Variants in CLVS2 observed in about 807,000 individuals in gnomAD.
CLVS2 encodes the protein clavesin-2.
In CLVS2, 19 loss-of-function variants were observed where a neutral mutation model predicts 29.0. The observed-to-expected ratio is 0.66, with a 90% CI of 0.46 to 0.96. The LOEUF (loss-of-function observed/expected upper bound fraction) is 0.96. CLVS2 is among the 40% of genes least tolerant of loss of function. The probability of loss-of-function intolerance (pLI) is 0.00; values close to 1 mark genes in which losing one functional copy is unlikely to be tolerated. For missense variants in CLVS2, 294 were observed against 404.1 expected, an observed-to-expected ratio of 0.73 and a Z score of 2.34; for synonymous variants, 161 against 151.3, an observed-to-expected ratio of 1.06 and a Z score of -0.47.
In CLVS2 at chr6:122,998,183, A is replaced by G; in HGVS notation, c.389+17A>G. On this transcript the variant is annotated intron_variant, in intron 2 of 5. Transcript: ENST00000275162. The stretch of plus-strand genomic sequence containing the variant: ...TCAGAGCAGGTAAATCCTAAATCCA[A>G]ACTTGTATTCTCCTTTTACTCTCCC... 1 of 1,602,128 alleles carries G rather than the reference A, an allele frequency of 6.2e-7. No homozygotes were observed. Among genetic ancestry groups the G allele is most frequent in the Non-Finnish European group, 8.5e-7 (1 of 1,177,544 alleles).
At chr6:123,008,154 A>G (rs911927095) in intron 2 of CLVS2, among the ~76,000 whole-genome samples, 3 of 152,130 alleles carry the variant, frequency 2.0e-5, no homozygotes, top group Admixed American at 2.0e-4. Flanking sequence ...TGACCTGCCC[A>G]TTGAATGGAG....
rs924200442 is a variant in CLVS2, at chr6:123,064,589, T to G, written c.*828T>G. 5.3e-5 allele frequency: 8 copies of G among 151,958 alleles called. No homozygotes were observed. The highest frequency in any genetic ancestry group is 1.9e-4 in the African/African-American group (8 of 41,430). The allele number at this position is 151,958 out of a possible 1,614,324, so 9.4% of individuals were successfully genotyped here. A position where few individuals can be genotyped will look rare whatever the true frequency, so the allele number is the denominator to read the frequency against. On this transcript the variant is annotated 3_prime_UTR_variant, in exon 6 of 6. Coordinates refer to ENST00000275162, the MANE Select transcript of CLVS2 (RefSeq NM_001010852.4). ...AGAATGAGAACTCATGTGAACAGTG[T>G]TCTGACAGCTAATTTTGAACATAAA... is the stretch of plus-strand genomic sequence containing the variant.
In CLVS2 at chr6:123,069,745, G is replaced by A. The variant is rs986214902; in HGVS notation, c.*5984G>A. The A allele has an allele frequency of 6.6e-5, 10 of 151,766 alleles. No individual in the cohort carries two copies. The highest frequency in any genetic ancestry group is 2.4e-4 in the African/African-American group (10 of 41,360). The allele number at this position is 151,766 out of a possible 1,614,324, so 9.4% of individuals were successfully genotyped here. A position where few individuals can be genotyped will look rare whatever the true frequency, so the allele number is the denominator to read the frequency against. ...GTTCCTTCTTCAGGAGGATCGAGTA[G>A]AAAATATTTTCTACTCGAAGAGGCC... On this transcript the variant is annotated 3_prime_UTR_variant, in exon 6 of 6. Transcript: ENST00000275162.
intron 3 of CLVS2, among the ~76,000 whole-genome samples, chr6:123,047,163 T>G (rs1379634792): frequency 6.6e-6 from 1 of 152,068 alleles, no homozygotes; most frequent in African/African-American, 2.4e-5. Context: ...ATGACTCCCA[T>G]ATCCAGGTGA....
At chr6:123,032,088 C>T (rs1227434401) in intron 3 of CLVS2, among the ~76,000 whole-genome samples, 9 of 151,932 alleles carry the variant, frequency 5.9e-5, no homozygotes, top group Non-Finnish European at 7.4e-5. Context: ...CTTGTTGCAG[C>T]GCTAATATCC....
At chr6:123,019,320 C>T (rs1774889261) in intron 3 of CLVS2, among the ~76,000 whole-genome samples, 1 of 152,000 alleles carries the variant, frequency 6.6e-6, no homozygotes, top group Non-Finnish European at 1.5e-5. Context: ...TCAGTTGGCA[C>T]TGTAAGGGGT....
intron 3 of CLVS2, among the ~76,000 whole-genome samples, chr6:123,033,252 A>G (rs1478705362): frequency 6.6e-6 from 1 of 152,114 alleles, no homozygotes; most frequent in Non-Finnish European, 1.5e-5. Context: ...TTATATTTGA[A>G]AGATATTTTT....
chr6:123,049,357 T>C (rs979593748), intron 4 of CLVS2, among the ~76,000 whole-genome samples: 2 of 152,146 alleles, frequency 1.3e-5, no homozygotes, highest in Non-Finnish European at 2.9e-5. Flanking sequence ...TTTGATACAG[T>C]GTAGGGCACA....
intron 2 of CLVS2, among the ~76,000 whole-genome samples, chr6:123,000,015 A>G (rs1774569074): frequency 6.6e-6 from 1 of 152,148 alleles, no homozygotes; most frequent in African/African-American, 2.4e-5. Context: ...GACAACTAGT[A>G]ATCAAATTCT....
chr6:122,997,950 T>G lies in CLVS2; in HGVS notation c.173T>G (p.Leu58Trp). 6.2e-7 allele frequency: 1 copy of G among 1,614,130 alleles called. No homozygotes were observed. The highest frequency in any genetic ancestry group is 8.5e-7 in the Non-Finnish European group (1 of 1,179,980). ...RTDDAFILRF[L>W]RARKFHHFEA... ...GATGATGCCTTCATCTTACGCTTCT[T>G]GCGGGCTAGGAAGTTTCATCACTTT... Residue 58 changes from leucine (L) to tryptophan (W), a missense_variant, in exon 2 of 6, where the codon TTG (leucine) becomes TGG (tryptophan). By Grantham distance (61) the Leu-to-Trp change is moderately conservative (BLOSUM62 -2). Around this residue, in one of 2 missense-constraint regions of CLVS2, gnomAD observed 212 missense variants for 336.4 expected, o/e 0.63. Coordinates refer to ENST00000275162, the MANE Select transcript of CLVS2 (RefSeq NM_001010852.4).
chr6:123,039,122 C>T (rs1775194983), intron 3 of CLVS2, among the ~76,000 whole-genome samples: 1 of 152,142 alleles, frequency 6.6e-6, no homozygotes, highest in South Asian at 2.1e-4. Flanking sequence ...AGACTTTAGC[C>T]TGATTCTTAC....
At chr6:123,040,865 A>G (rs977590610) in intron 3 of CLVS2, among the ~76,000 whole-genome samples, 1 of 152,224 alleles carries the variant, frequency 6.6e-6, no homozygotes, top group Non-Finnish European at 1.5e-5. Flanking sequence ...TTCATTGTAT[A>G]TTTGGACTAT....
At chr6:123,034,868 C>T (rs994919611) in intron 3 of CLVS2, among the ~76,000 whole-genome samples, 1 of 151,888 alleles carries the variant, frequency 6.6e-6, no homozygotes, top group Non-Finnish European at 1.5e-5. Context: ...TTTGCAACTT[C>T]CTGTGAGTCT....
chr6:122,997,645 T>C lies in CLVS2; in HGVS notation c.-133T>C, dbSNP rs1774530048. On this transcript the variant is annotated 5_prime_UTR_variant, in exon 2 of 6. Transcript: ENST00000275162. ...GGCACTTGATTGGACACCAAGATTA[T>C]TAATTTCCTGTAGGGGAGAGGAAGC... 2 of 852,160 alleles carry C rather than the reference T, an allele frequency of 2.3e-6. No individual in the cohort carries two copies. Among genetic ancestry groups the C allele is most frequent in the African/African-American group, 3.4e-5 (2 of 58,722 alleles). 52.8% of individuals were successfully genotyped at this position (852,160 alleles called of 1,614,324 possible).
At chr6:123,010,537 G>A (rs1274211792) in intron 2 of CLVS2, among the ~76,000 whole-genome samples, 5 of 151,864 alleles carry the variant, frequency 3.3e-5, no homozygotes, top group East Asian at 1.9e-4. Flanking sequence ...TTTGAATTGA[G>A]TAACTTTTAT....
In CLVS2 at chr6:123,060,873, C is replaced by T. The variant is rs187496920; in HGVS notation, c.897-2801C>T. Among the ~76,000 whole-genome samples, 28 of 152,184 alleles carry T rather than the reference C, an allele frequency of 1.8e-4. 1 individual carries two copies. Among genetic ancestry groups the T allele is most frequent in the Admixed American group, 1.1e-3 (17 of 15,288 alleles). ...ACTGGAGTTATGATCTACTTCTGTC[C>T]GAAATCTAGTTTCTTAAACACTATG... On this transcript the variant is annotated intron_variant, in intron 5 of 5. Transcript: ENST00000275162.
intron 3 of CLVS2, among the ~76,000 whole-genome samples, chr6:123,024,611 G>A (rs1000304830): frequency 3.3e-5 from 5 of 152,066 alleles, no homozygotes; most frequent in Non-Finnish European, 7.4e-5. Context: ...GCCATACCCT[G>A]GAGGGTTCAA....
At chr6:123,015,402 A>G (rs1203680017) in intron 3 of CLVS2, among the ~76,000 whole-genome samples, 1 of 152,076 alleles carries the variant, frequency 6.6e-6, no homozygotes, top group Non-Finnish European at 1.5e-5. Context: ...ACCACCTTTG[A>G]AATAATTATA....
At chr6:123,025,900 A>C (rs543048986) in intron 3 of CLVS2, among the ~76,000 whole-genome samples, 1 of 152,196 alleles carries the variant, frequency 6.6e-6, no homozygotes, top group African/African-American at 2.4e-5. Flanking sequence ...TCCCTGATAA[A>C]ATTTCTGTAA....
Sources: gnomAD v4.1 joint callset for allele counts (sites outside exome capture counted in the v4.1 genomes callset) on GRCh38, gnomAD v4.1.1 for gene constraint, gnomAD v4.1.1 regional missense constraint, MANE v1.5 for transcripts, NCBI Gene and HGNC (gene_info 2026-07-23, HGNC 2026-07-21) for gene names.